Variants in KIAA1217 observed in about 807,000 individuals in gnomAD.
The protein encoded by KIAA1217 is KIAA1217.
KIAA1217 carries 88 observed loss-of-function variants against 163.9 expected under a neutral mutation model. The observed-to-expected ratio is 0.54, with a 90% CI of 0.45 to 0.64. The LOEUF (loss-of-function observed/expected upper bound fraction) is 0.64. Among genes scored for constraint, KIAA1217 ranks in the 30% least tolerant of loss-of-function variants. KIAA1217 has a pLI of 0.00. For missense variants in KIAA1217, 2,372 were observed against 2,475.0 expected (o/e 0.96, Z 0.88); for synonymous variants, 903 against 923.1 (o/e 0.98, Z 0.39).
intron 2 of KIAA1217, among the ~76,000 whole-genome samples, chr10:24,332,642 C>T (rs2045834896): frequency 6.6e-6 from 1 of 151,998 alleles, no homozygotes; most frequent in Non-Finnish European, 1.5e-5. Context: ...AATGCGTATC[C>T]ATAAGTCACA....
chr10:23,846,963 A>G (rs1839063930), intron 1 of KIAA1217, among the ~76,000 whole-genome samples: 1 of 152,080 alleles, frequency 6.6e-6, no homozygotes, highest in African/African-American at 2.4e-5. Context: ...GAATTTTGTC[A>G]AAGGCCTTTT....
At position 24,531,951 on chromosome 10, in the gene KIAA1217, C is replaced by T; in HGVS notation, c.3204C>T (p.Gly1068=). The T allele has an allele frequency of 6.2e-7, 1 of 1,608,288 alleles. No individual in the cohort carries two copies. The highest frequency in any genetic ancestry group is 8.5e-7 in the Non-Finnish European group (1 of 1,176,554). The part of the protein sequence containing the change: ...PGSGLTTTRS[G]DVVYTGRKEN... ...CGGGACTCACCACCACGAGGTCAGG[C>T]GATGTGGTCTACACCGGCAGAAAGG... The change falls in exon 15 of 21, where the codon GGC becomes GGT. Residue 1068 remains glycine (G), a synonymous_variant. Transcript: ENST00000376454.
At chr10:24,148,814 A>AC (rs754586192) in intron 2 of KIAA1217, among the ~76,000 whole-genome samples, 62 of 152,192 alleles carry the variant, frequency 4.1e-4, no homozygotes, top group South Asian at 8.3e-4. Context: ...GGACTAACAC[A>AC]CATCATGAAT....
chr10:23,748,537 GGGAGGAGAGGAGAGGGGAGA>G (rs1445352204), intron 1 of KIAA1217, among the ~76,000 whole-genome samples: 7 of 136,156 alleles, frequency 5.1e-5, no homozygotes, highest in Non-Finnish European at 7.8e-5. Context: ...GAGAGGGGAG[GGGAGGAGAGGAGAGGGGAGA>G]GGAGGGGGAG....
At chr10:23,839,915 G>A (rs1275582486) in intron 1 of KIAA1217, among the ~76,000 whole-genome samples, 2 of 151,982 alleles carry the variant, frequency 1.3e-5, no homozygotes, top group South Asian at 2.1e-4. Flanking sequence ...AGAAAAGAAG[G>A]GCATACTTTT....
At chr10:24,077,795 T>C (rs1197610222) in intron 2 of KIAA1217, among the ~76,000 whole-genome samples, 1 of 152,208 alleles carries the variant, frequency 6.6e-6, no homozygotes, top group Non-Finnish European at 1.5e-5. Flanking sequence ...TGATAATTGA[T>C]ATTCCCATCA....
chr10:23,734,610 A>G (rs542680617), intron 1 of KIAA1217, among the ~76,000 whole-genome samples: 1 of 151,946 alleles, frequency 6.6e-6, no homozygotes, highest in East Asian at 1.9e-4. Context: ...TTTTTATCAT[A>G]CACTTAATTT....
intron 2 of KIAA1217, among the ~76,000 whole-genome samples, chr10:24,323,694 G>C (rs1429219304): frequency 6.6e-6 from 1 of 151,972 alleles, no homozygotes; most frequent in East Asian, 1.9e-4. Flanking sequence ...AGAAGATATT[G>C]ATTGAATGTT....
intron 16 of KIAA1217, among the ~76,000 whole-genome samples, chr10:24,535,217 C>T (rs1320054094): frequency 1.3e-5 from 2 of 152,092 alleles, no homozygotes; most frequent in African/African-American, 2.4e-5. Context: ...AGCGGATAAA[C>T]CAAACACATC....
chr10:24,268,927 G>A (rs1422695784), intron 2 of KIAA1217, among the ~76,000 whole-genome samples: 2 of 144,938 alleles, frequency 1.4e-5, no homozygotes, highest in Non-Finnish European at 1.5e-5. Flanking sequence ...GATGAAATTG[G>A]AAATCATCAT....
chr10:23,847,584 G>T (rs1469164120), intron 1 of KIAA1217, among the ~76,000 whole-genome samples: 2 of 151,978 alleles, frequency 1.3e-5, no homozygotes, highest in Non-Finnish European at 2.9e-5. Flanking sequence ...ATTTTTTATT[G>T]CATCTATTTG....
At chr10:24,434,973 A>G (rs1180483676) in intron 4 of KIAA1217, among the ~76,000 whole-genome samples, 1 of 152,208 alleles carries the variant, frequency 6.6e-6, no homozygotes. Flanking sequence ...AAATCACTGG[A>G]GGCAGAACTT....
At chr10:24,042,805 A>G (rs1848708924) in intron 2 of KIAA1217, among the ~76,000 whole-genome samples, 1 of 152,194 alleles carries the variant, frequency 6.6e-6, no homozygotes, top group African/African-American at 2.4e-5. Flanking sequence ...TAATCCAATC[A>G]TATTCAAAGT....
At chr10:24,423,561 G>A (rs867736031) in intron 3 of KIAA1217, among the ~76,000 whole-genome samples, 32 of 152,140 alleles carry the variant, frequency 2.1e-4, no homozygotes, top group African/African-American at 6.5e-4. Flanking sequence ...CCAGGTTCAC[G>A]TGATTCTCCT....
chr10:23,790,147 A>ATATG, intron 1 of KIAA1217, among the ~76,000 whole-genome samples: 1 of 81,036 alleles, frequency 1.2e-5, no homozygotes, highest in Non-Finnish European at 2.3e-5. Flanking sequence ...ATACACATAT[A>ATATG]CACATATGCA....
chr10:24,468,079 C>A (rs2063138524), intron 5 of KIAA1217, among the ~76,000 whole-genome samples: 1 of 152,168 alleles, frequency 6.6e-6, no homozygotes, highest in Non-Finnish European at 1.5e-5. Context: ...ATTATACAAT[C>A]TTAACCATCA....
intron 1 of KIAA1217, among the ~76,000 whole-genome samples, chr10:23,790,207 A>ATATGCATATGCACATATG (rs1554794610): frequency 6.7e-4 from 1 of 1,492 alleles, no homozygotes; most frequent in Non-Finnish European, 1.2e-3. Flanking sequence ...ATGCATATAC[A>ATATGCATATGCACATATG]CATATACACA....
intron 10 of KIAA1217, 111 bp from the exon 11 acceptor site, chr10:24,520,012 A>T: frequency 8.3e-7 from 1 of 1,204,696 alleles, no homozygotes; most frequent in East Asian, 2.4e-5. Flanking sequence ...GGCAGGGGGG[A>T]GGAGCTGGGG....
chr10:24,460,558 G>A (rs1269177626), intron 5 of KIAA1217, among the ~76,000 whole-genome samples: 2 of 152,132 alleles, frequency 1.3e-5, no homozygotes, highest in Non-Finnish European at 2.9e-5. Context: ...TATTCCCTCA[G>A]ACAATCCTTT....
Sources: allele counts gnomAD v4.1 joint callset (sites outside exome capture counted in the v4.1 genomes callset), GRCh38; gene constraint gnomAD v4.1.1; transcripts MANE v1.5; gene names NCBI Gene and HGNC (gene_info 2026-07-23, HGNC 2026-07-21).